STPG2: variants seen among roughly 807,000 people sequenced by gnomAD.
STPG2 encodes the protein sperm tail PG-rich repeat containing 2.
A neutral mutation model predicts 54.2 loss-of-function variants in STPG2; 56 were observed. That is an observed-to-expected ratio of 1.03 (90% CI 0.83 to 1.29). The LOEUF (loss-of-function observed/expected upper bound fraction) is 1.29. Ranked by LOEUF, STPG2 falls within the 50% of genes most tolerant of loss-of-function variation. The probability of loss-of-function intolerance (pLI) is 0.00; values close to 1 mark genes in which losing one functional copy is unlikely to be tolerated. For missense variants in STPG2, 596 were observed against 544.9 expected (o/e 1.09, Z -0.93); for synonymous variants, 200 against 181.8 (o/e 1.10, Z -0.81).
At chr4:97,899,689 T>A (rs146266537) in intron 8 of STPG2, among the ~76,000 whole-genome samples, 94 of 152,234 alleles carry the variant, frequency 6.2e-4, no homozygotes, top group Non-Finnish European at 1.2e-3. Context: ...CCATCTGATC[T>A]TTAACAAACC....
intron 5 of STPG2, among the ~76,000 whole-genome samples, chr4:98,023,983 G>T (rs544279366): frequency 6.6e-6 from 1 of 152,010 alleles, no homozygotes; most frequent in African/African-American, 2.4e-5. Context: ...TGTGCTTCCC[G>T]AGTGAGGCAA....
chr4:97,452,562 G>A (rs908323011), intron 4 of STPG2, among the ~76,000 whole-genome samples: 1 of 152,200 alleles, frequency 6.6e-6, no homozygotes, highest in African/African-American at 2.4e-5. Flanking sequence ...AGCCAGAGCT[G>A]AGCAGATAAC....
At chr4:97,938,236 G>A (rs1286754634) in intron 8 of STPG2, among the ~76,000 whole-genome samples, 1 of 152,150 alleles carries the variant, frequency 6.6e-6, no homozygotes, top group Admixed American at 6.5e-5. Flanking sequence ...AGTCTCCCTG[G>A]CACCAGCAGG....
chr4:97,636,038 A>AT (rs1242821737), intron 10 of STPG2, among the ~76,000 whole-genome samples: 4 of 152,014 alleles, frequency 2.6e-5, no homozygotes, highest in Non-Finnish European at 4.4e-5. Flanking sequence ...CAGAATATAC[A>AT]TTTTTTTCAG....
intron 2 of STPG2, 89 bp downstream of exon 2, chr4:98,134,258 C>A: frequency 1.7e-6 from 1 of 591,018 alleles, no homozygotes; most frequent in South Asian, 5.0e-5. Context: ...ACAATATAAG[C>A]AGAAAATAAA....
At chr4:97,882,722 G>A (rs190810365) in intron 8 of STPG2, among the ~76,000 whole-genome samples, 2,599 of 152,084 alleles carry the variant, frequency 0.017, 74 homozygotes, top group African/African-American at 0.059. Flanking sequence ...GAAAAAACAT[G>A]AAACTAGCAA....
intron 10 of STPG2, among the ~76,000 whole-genome samples, chr4:97,630,070 G>A (rs565605803): frequency 9.9e-5 from 15 of 151,984 alleles, no homozygotes; most frequent in African/African-American, 3.6e-4. Flanking sequence ...AAATATGTGA[G>A]CAGCTTTCAG....
chr4:97,545,142 G>T (rs557536476), intron 4 of STPG2, among the ~76,000 whole-genome samples: 7 of 152,222 alleles, frequency 4.6e-5, no homozygotes, highest in African/African-American at 1.7e-4. Context: ...GTTCTGAGAA[G>T]TAAAGCTTGG....
At chr4:98,136,129 A>C (rs1299282962) in intron 1 of STPG2, among the ~76,000 whole-genome samples, 1 of 151,664 alleles carries the variant, frequency 6.6e-6, no homozygotes, top group East Asian at 1.9e-4. Context: ...GAACATGATG[A>C]GAAGATAAAG....
intron 4 of STPG2, among the ~76,000 whole-genome samples, chr4:97,457,662 G>T (rs1163371212): frequency 6.6e-6 from 1 of 152,174 alleles, no homozygotes; most frequent in African/African-American, 2.4e-5. Context: ...ATTTTAATGT[G>T]CCTAAGTTTG....
chr4:97,821,965 G>C (rs113878375), intron 9 of STPG2, among the ~76,000 whole-genome samples: 2,804 of 152,266 alleles, frequency 0.018, 79 homozygotes, highest in African/African-American at 0.064. Flanking sequence ...ACTCTTTTTA[G>C]CCATGCTAAT....
chr4:97,572,354 T>C (rs1413420743), intron 10 of STPG2, among the ~76,000 whole-genome samples: 1 of 152,174 alleles, frequency 6.6e-6, no homozygotes, highest in Non-Finnish European at 1.5e-5. Context: ...CCTGTCATCA[T>C]AGATTTGTTA....
intron 9 of STPG2, among the ~76,000 whole-genome samples, chr4:97,756,770 T>A (rs1463756844): frequency 6.6e-6 from 1 of 152,168 alleles, no homozygotes; most frequent in East Asian, 1.9e-4. Context: ...TTCTTCCTTT[T>A]TATTTCAATG....
chr4:97,666,576 T>C (rs923128517), intron 10 of STPG2, among the ~76,000 whole-genome samples: 2 of 152,192 alleles, frequency 1.3e-5, no homozygotes, highest in Non-Finnish European at 2.9e-5. Context: ...GTTTCAAACA[T>C]ATTTCCATTC....
intron 5 of STPG2, among the ~76,000 whole-genome samples, chr4:98,068,455 T>C (rs1178100170): frequency 1.3e-5 from 2 of 152,170 alleles, no homozygotes; most frequent in African/African-American, 4.8e-5. Flanking sequence ...TGTTAGAAGC[T>C]TATTAAATAT....
chr4:98,089,823 G>T (rs1184553730), intron 5 of STPG2, among the ~76,000 whole-genome samples: 3 of 151,252 alleles, frequency 2.0e-5, no homozygotes, highest in Non-Finnish European at 4.4e-5. Context: ...ATTTTTTCAT[G>T]TTTGTTGGTT....
chr4:98,072,379 C>T (rs1738030319), intron 5 of STPG2, among the ~76,000 whole-genome samples: 1 of 151,908 alleles, frequency 6.6e-6, no homozygotes, highest in African/African-American at 2.4e-5. Flanking sequence ...GGACACATGG[C>T]AGGGAACAAC....
At chr4:97,491,504 C>T (rs886395558) in intron 4 of STPG2, among the ~76,000 whole-genome samples, 1 of 151,358 alleles carries the variant, frequency 6.6e-6, no homozygotes, top group African/African-American at 2.4e-5. Flanking sequence ...TTGGCAGAAG[C>T]TATACATAGA....
chr4:97,919,914 C>T (rs1325956837), intron 8 of STPG2, among the ~76,000 whole-genome samples: 2 of 152,132 alleles, frequency 1.3e-5, no homozygotes, highest in African/African-American at 4.8e-5. Flanking sequence ...ACACTGCCCT[C>T]CTTGAATTTA....
Sources: allele counts gnomAD v4.1 joint callset (sites outside exome capture counted in the v4.1 genomes callset), GRCh38; gene constraint gnomAD v4.1.1; transcripts MANE v1.5; gene names NCBI Gene and HGNC (gene_info 2026-07-23, HGNC 2026-07-21).